The following FOXP2 variants were observed in gnomAD, a reference collection of about 807,000 sequenced individuals.
FOXP2 encodes the protein forkhead box P2.
Under a neutral mutation model 115.8 loss-of-function variants are expected in FOXP2, and 12 were observed. The observed-to-expected ratio is 0.10, with a 90% CI of 0.07 to 0.17. The LOEUF (loss-of-function observed/expected upper bound fraction) is 0.17. FOXP2 is among the 10% of genes least tolerant of loss of function. The pLI, the probability that FOXP2 is intolerant of heterozygous loss-of-function variation, is 1.00. For synonymous variants in FOXP2, 328 were observed against 297.7 expected (o/e 1.10, Z -1.05); for missense variants, 629 against 843.5 (o/e 0.75, Z 3.15).
chr7:114,491,830 T>C (rs886733928), intron 2 of FOXP2, among the ~76,000 whole-genome samples: 1 of 152,164 alleles, frequency 6.6e-6, no homozygotes, highest in Admixed American at 6.6e-5. Flanking sequence ...TTATTGAGGA[T>C]TTTTGCATCG....
chr7:114,090,333 A>G (rs1266420749), intron 1 of FOXP2, among the ~76,000 whole-genome samples: 2 of 151,816 alleles, frequency 1.3e-5, no homozygotes, highest in East Asian at 3.8e-4. Flanking sequence ...CATTCAAGCT[A>G]TTTTTTTCTT....
intron 1 of FOXP2, among the ~76,000 whole-genome samples, chr7:114,167,000 A>C (rs1793000656): frequency 6.6e-6 from 1 of 152,210 alleles, no homozygotes; most frequent in Non-Finnish European, 1.5e-5. Context: ...ACCACTTTGA[A>C]AGACAGTTTG....
At chr7:114,199,382 AAAAT>A (rs1159094622) in intron 1 of FOXP2, among the ~76,000 whole-genome samples, 2 of 152,132 alleles carry the variant, frequency 1.3e-5, no homozygotes, top group African/African-American at 4.8e-5. Flanking sequence ...AAAATAATAT[AAAAT>A]AAATACATAT....
intron 1 of FOXP2, among the ~76,000 whole-genome samples, chr7:114,180,298 C>T (rs1793424024): frequency 6.6e-6 from 1 of 151,960 alleles, no homozygotes; most frequent in Admixed American, 6.6e-5. Flanking sequence ...GGCATGTTCT[C>T]TCACTTATTC....
chr7:114,175,040 A>C (rs1025828938), intron 1 of FOXP2, among the ~76,000 whole-genome samples: 1 of 152,148 alleles, frequency 6.6e-6, no homozygotes, highest in Non-Finnish European at 1.5e-5. Flanking sequence ...AGAGGGTTGT[A>C]ACAAAGAAGC....
intron 1 of FOXP2, among the ~76,000 whole-genome samples, chr7:114,225,029 C>T (rs746698633): frequency 2.0e-5 from 3 of 152,138 alleles, no homozygotes; most frequent in African/African-American, 4.8e-5. Flanking sequence ...TGTTAAAACT[C>T]TCCTGCATTT....
chr7:114,602,912 T>C (rs1294761625), intron 3 of FOXP2, among the ~76,000 whole-genome samples: 2 of 152,160 alleles, frequency 1.3e-5, no homozygotes, highest in Admixed American at 1.3e-4. Context: ...ATTGTAATAC[T>C]GTAGACATTA....
At chr7:114,241,684 A>C (rs994270242) in intron 1 of FOXP2, among the ~76,000 whole-genome samples, 1 of 151,982 alleles carries the variant, frequency 6.6e-6, no homozygotes, top group Non-Finnish European at 1.5e-5. Context: ...ATGTGGTTAT[A>C]ATGTTGGGCA....
chr7:114,226,546 G>A (rs530217581), intron 1 of FOXP2, among the ~76,000 whole-genome samples: 1 of 152,206 alleles, frequency 6.6e-6, no homozygotes, highest in Non-Finnish European at 1.5e-5. Flanking sequence ...ATTTTAACAT[G>A]CTATAGCAAG....
chr7:114,239,172 T>C (rs1391750402), intron 1 of FOXP2, among the ~76,000 whole-genome samples: 1 of 151,780 alleles, frequency 6.6e-6, no homozygotes, highest in Admixed American at 6.6e-5. Context: ...TCATAGCAGT[T>C]TTTTCTTTTT....
intron 1 of FOXP2, among the ~76,000 whole-genome samples, chr7:114,226,849 A>G (rs1185540464): frequency 3.3e-5 from 5 of 152,018 alleles, no homozygotes; most frequent in Middle Eastern, 3.2e-3. Flanking sequence ...GTCTTTTTCA[A>G]TATTGATTTT....
At chr7:114,205,281 G>A (rs928392746) in intron 1 of FOXP2, among the ~76,000 whole-genome samples, 5 of 151,988 alleles carry the variant, frequency 3.3e-5, no homozygotes, top group African/African-American at 9.7e-5. Context: ...CACACATTGC[G>A]CTCAACAAAA....
At chr7:114,461,860 A>AT (rs1795572413) in intron 2 of FOXP2, among the ~76,000 whole-genome samples, 1 of 151,662 alleles carries the variant, frequency 6.6e-6, no homozygotes, top group Admixed American at 6.6e-5. Flanking sequence ...TATTAATCTT[A>AT]TTTTTGCCAA....
Position 114,459,863 on chromosome 7 carries a change from G to A in FOXP2, c.168+33184G>A, listed in dbSNP as rs368203118. Among the ~76,000 whole-genome samples, 47 of 152,198 alleles carry A rather than the reference G, an allele frequency of 3.1e-4. No individual in the cohort carries two copies. The East Asian group carries it at 5.8e-3, about 19-fold the overall frequency. On this transcript the variant is annotated intron_variant, in intron 2 of 16. Coordinates refer to ENST00000350908, the MANE Select transcript of FOXP2 (RefSeq NM_014491.4). ...ACCGCTGACCTCAAGTGATCCTCCC[G>A]CCTCAGCCTCCCAAAGTTCTGGGAT...
intron 1 of FOXP2, among the ~76,000 whole-genome samples, chr7:114,239,588 A>G (rs899872879): frequency 3.9e-5 from 6 of 152,152 alleles, no homozygotes; most frequent in African/African-American, 1.4e-4. Flanking sequence ...CTCTGCCTTC[A>G]CCCGTCAGTC....
In FOXP2 at chr7:114,089,069, A is replaced by T. The variant is rs148856371; in HGVS notation, c.-247+1231A>T. On this transcript the variant is annotated intron_variant, in intron 1 of 19. Transcript: ENST00000635638. ...AAGGCCCCTTTTCTCTTGCCTGCTT[A>T]ACTTCTTTCCTTTTATTTTTATTGC... Among the ~76,000 whole-genome samples the T allele has an allele frequency of 1.2e-3, 181 of 152,204 alleles. 2 individuals carry two copies. The highest frequency in any genetic ancestry group is 4.1e-3 in the African/African-American group (170 of 41,552).
Position 114,690,028 on chromosome 7 carries a change from T to C in FOXP2, c.*102T>C, listed in dbSNP as rs752799746. 2.1e-6 allele frequency: 3 copies of C among 1,416,344 alleles called. No individual in the cohort carries two copies. Among genetic ancestry groups the C allele is most frequent in the Non-Finnish European group, 3.0e-6 (3 of 1,014,140 alleles). 87.7% of individuals were successfully genotyped at this position (1,416,344 alleles called of 1,614,324 possible). A position where few individuals can be genotyped will look rare whatever the true frequency, so the allele number is the denominator to read the frequency against. Reference sequence around the variant, plus strand: ...ACAAATTTTTACTGTGACTATTTATTAAGCATGGATAAAGGAGACAGCCCT... The same window carrying C: ...ACAAATTTTTACTGTGACTATTTATCAAGCATGGATAAAGGAGACAGCCCT... On this transcript the variant is annotated 3_prime_UTR_variant, in exon 17 of 17. Coordinates refer to ENST00000350908, the MANE Select transcript of FOXP2 (RefSeq NM_014491.4).
chr7:114,250,652 T>C (rs1381904639), intron 1 of FOXP2, among the ~76,000 whole-genome samples: 3 of 152,196 alleles, frequency 2.0e-5, no homozygotes, highest in African/African-American at 7.2e-5. Flanking sequence ...GGATTGTTTT[T>C]GTTTTTGTAA....
chr7:114,288,134 C>T (rs892401503), intron 2 of FOXP2: 5 of 451,104 alleles, frequency 1.1e-5, no homozygotes, highest in Non-Finnish European at 1.8e-5. Context: ...GGTAAAAATT[C>T]TCCTTTGGTC....
Sources: gnomAD v4.1 joint callset for allele counts (sites outside exome capture counted in the v4.1 genomes callset) on GRCh38, gnomAD v4.1.1 for gene constraint, MANE v1.5 for transcripts, NCBI Gene and HGNC (gene_info 2026-07-23, HGNC 2026-07-21) for gene names.